GRIA3: variants seen among roughly 807,000 people sequenced by gnomAD.
The protein encoded by GRIA3 is glutamate receptor 3.
A neutral mutation model predicts 63.0 loss-of-function variants in GRIA3; 3 were observed. That is an observed-to-expected ratio of 0.05 (90% confidence interval 0.02 to 0.12). The LOEUF (loss-of-function observed/expected upper bound fraction) is 0.12. GRIA3 is among the 10% of genes least tolerant of loss of function. GRIA3 has a pLI of 1.00. For synonymous variants in GRIA3, 274 were observed against 257.9 expected, an observed-to-expected ratio of 1.06 and a Z score of -0.60; for missense variants, 347 against 700.9, an observed-to-expected ratio of 0.50 and a Z score of 5.70.
intron 3 of GRIA3, among the ~76,000 whole-genome samples, chrX:123,316,783 C>T (rs772545580): frequency 6.2e-5 from 7 of 112,048 alleles, no homozygotes; most frequent in African/African-American, 1.9e-4. Flanking sequence ...TACAGTCATG[C>T]GCCACATAAT....
intron 2 of GRIA3, among the ~76,000 whole-genome samples, chrX:123,242,975 T>C (rs1478884817): frequency 1.8e-5 from 2 of 112,501 alleles, no homozygotes; most frequent in Non-Finnish European, 3.8e-5. Context: ...ATTCATTTAA[T>C]CCATACAATA....
intron 3 of GRIA3, among the ~76,000 whole-genome samples, chrX:123,288,465 C>T (rs917472401): frequency 9.2e-5 from 10 of 109,203 alleles, no homozygotes; most frequent in African/African-American, 2.3e-4. Flanking sequence ...AAACTATCAT[C>T]GAGTGAACAA....
chrX:123,449,954 C>T (rs1015608686), intron 12 of GRIA3, among the ~76,000 whole-genome samples: 5 of 111,795 alleles, frequency 4.5e-5, no homozygotes, highest in African/African-American at 6.5e-5. Flanking sequence ...CTCTGGTATT[C>T]TTCTGGCACA....
intron 3 of GRIA3, among the ~76,000 whole-genome samples, chrX:123,255,376 T>A (rs996380083): frequency 9.0e-6 from 1 of 111,305 alleles, no homozygotes; most frequent in African/African-American, 3.3e-5. Context: ...TTCTAATTCA[T>A]AATTTGCCAA....
chrX:123,413,279 C>T (rs1164080031), intron 10 of GRIA3, among the ~76,000 whole-genome samples: 1 of 110,242 alleles, frequency 9.1e-6, no homozygotes, highest in Non-Finnish European at 1.9e-5. Context: ...CATGTGAATG[C>T]CTTCTTATTT....
At chrX:123,342,309 G>T (rs1230238869) in intron 4 of GRIA3, among the ~76,000 whole-genome samples, 1 of 111,874 alleles carries the variant, frequency 8.9e-6, no homozygotes, top group East Asian at 2.8e-4. Context: ...TAATTATAGC[G>T]ATTCTTGAAT....
intron 12 of GRIA3, among the ~76,000 whole-genome samples, chrX:123,445,353 G>A (rs73541970): frequency 0.033 from 3,615 of 111,152 alleles, 140 homozygotes; most frequent in African/African-American, 0.11. Context: ...ATAAGGCTAG[G>A]GTTCAATATT....
chrX:123,368,780 CAAAAAAA>C (rs58125026), intron 5 of GRIA3, among the ~76,000 whole-genome samples: 2 of 86,091 alleles, frequency 2.3e-5, no homozygotes, highest in South Asian at 5.9e-4. Flanking sequence ...GATCATAATA[CAAAAAAA>C]AAAAAAAAAA....
intron 12 of GRIA3, among the ~76,000 whole-genome samples, chrX:123,435,731 C>G (rs759500838): frequency 8.9e-6 from 1 of 112,055 alleles, no homozygotes; most frequent in African/African-American, 3.2e-5. Context: ...TATTACATGG[C>G]TTGTTATAGT....
intron 2 of GRIA3, among the ~76,000 whole-genome samples, chrX:123,237,401 G>C (rs2044307371): frequency 9.0e-6 from 1 of 111,679 alleles, no homozygotes; most frequent in Non-Finnish European, 1.9e-5. Context: ...TGAAGAGTTT[G>C]GACTATATCT....
intron 3 of GRIA3, among the ~76,000 whole-genome samples, chrX:123,272,678 G>A (rs773053594): frequency 8.9e-6 from 1 of 112,078 alleles, no homozygotes; most frequent in Non-Finnish European, 1.9e-5. Flanking sequence ...GACCTCTTGA[G>A]ATGCTGTAAA....
rs777637304 is a variant in GRIA3 at position 123,410,912 on chromosome X, G to A, written c.1500+5998G>A. Among the ~76,000 whole-genome samples the A allele has an allele frequency of 5.4e-5, 6 of 111,881 alleles. No homozygotes were observed. The East Asian group carries it at 1.4e-3, about 26-fold the overall frequency. On this transcript the variant is annotated intron_variant, in intron 10 of 15. Coordinates refer to ENST00000620443, the MANE Select transcript of GRIA3 (RefSeq NM_007325.5). ...ACTCTCTCAGCTCCCCAAGGACAAG[G>A]AGCCCTAATCAATAGATCCAGTCGG...
At chrX:123,344,181 C>A (rs1414899267) in intron 4 of GRIA3, among the ~76,000 whole-genome samples, 1 of 112,082 alleles carries the variant, frequency 8.9e-6, no homozygotes, top group Admixed American at 9.4e-5. Context: ...TTATCACTTG[C>A]AGTGTTGTAT....
intron 10 of GRIA3, among the ~76,000 whole-genome samples, chrX:123,412,466 G>A (rs1208348745): frequency 2.7e-5 from 3 of 112,213 alleles, no homozygotes; most frequent in African/African-American, 9.7e-5. Context: ...AGTGGGCAAA[G>A]GACATGAACA....
At chrX:123,445,461 A>G (rs2045698452) in intron 12 of GRIA3, among the ~76,000 whole-genome samples, 2 of 111,912 alleles carry the variant, frequency 1.8e-5, no homozygotes, top group African/African-American at 3.3e-5. Context: ...TTGTACCAGG[A>G]TCTCCCACCT....
chrX:123,317,318 A>G (rs2044838435), intron 3 of GRIA3, among the ~76,000 whole-genome samples: 1 of 111,064 alleles, frequency 9.0e-6, no homozygotes, highest in Admixed American at 9.5e-5. Flanking sequence ...ATGTCCTCAC[A>G]TTTCAAAACC....
intron 4 of GRIA3, among the ~76,000 whole-genome samples, chrX:123,334,387 T>C (rs755120273): frequency 2.6e-4 from 29 of 111,668 alleles, no homozygotes; most frequent in Middle Eastern, 4.6e-3. Context: ...TCTCTGGTCA[T>C]ACCTCACACT....
chrX:123,462,363 A>T (rs147561386), intron 12 of GRIA3, among the ~76,000 whole-genome samples: 1,966 of 111,817 alleles, frequency 0.018, 48 homozygotes, highest in African/African-American at 0.057. Context: ...CTGGCCTCTG[A>T]TTATCCACCT....
chrX:123,246,907 T>C (rs1053638943), intron 2 of GRIA3, among the ~76,000 whole-genome samples: 45 of 109,117 alleles, frequency 4.1e-4, no homozygotes, highest in Admixed American at 8.8e-4. Flanking sequence ...ACGAGTTGTC[T>C]ACCTTACTCC....
Sources: gnomAD v4.1 joint callset for allele counts (sites outside exome capture counted in the v4.1 genomes callset) on GRCh38, gnomAD v4.1.1 for gene constraint, MANE v1.5 for transcripts, NCBI Gene and HGNC (gene_info 2026-07-23, HGNC 2026-07-21) for gene names.